Variants in TUBGCP3 observed in about 807,000 individuals in gnomAD.
The protein encoded by TUBGCP3 is tubulin gamma complex component 3, also known as gamma-tubulin complex component 3.
Under a neutral mutation model 123.1 loss-of-function variants are expected in TUBGCP3, and 50 were observed. The ratio of observed to expected loss-of-function variants is 0.41; its 90% CI spans 0.32 to 0.51. TUBGCP3 has a LOEUF of 0.51. Among genes scored for constraint, TUBGCP3 ranks in the 20% least tolerant of loss-of-function variants. The pLI is 0.36. For synonymous variants in TUBGCP3, 405 were observed against 413.9 expected (o/e 0.98, Z 0.26); for missense variants, 882 against 1,127.0 (o/e 0.78, Z 3.11).
intron 3 of TUBGCP3, among the ~76,000 whole-genome samples, chr13:112,562,113 C>CACCACCAGCCAGGACCCACTAGGGAAT (rs1880558973): frequency 6.7e-6 from 1 of 150,244 alleles, no homozygotes; most frequent in Non-Finnish European, 1.5e-5. Context: ...CACTAGGGAA[C>CACCACCAGCCAGGACCCACTAGGGAAT]ACCACCAGCC....
chr13:112,604,683 A>C, the TUBGCP3 span: 62 of 152,344 alleles, frequency 4.1e-4, no homozygotes, highest in African/African-American at 1.4e-3. Flanking sequence ...TGGAAACCAC[A>C]AAAAATACCC....
chr13:112,544,270 A>T (rs191590931), intron 11 of TUBGCP3, among the ~76,000 whole-genome samples: 2 of 151,884 alleles, frequency 1.3e-5, no homozygotes, highest in South Asian at 2.1e-4. Flanking sequence ...TGGCTAACAC[A>T]GTGAAACCCC....
chr13:112,520,413 C>T (rs1594136894), intron 14 of TUBGCP3, among the ~76,000 whole-genome samples: 1 of 152,154 alleles, frequency 6.6e-6, no homozygotes, highest in Admixed American at 6.5e-5. Flanking sequence ...CCTGTAATCC[C>T]AGCTACTTTG....
intron 11 of TUBGCP3, among the ~76,000 whole-genome samples, chr13:112,542,618 G>A (rs1878614121): frequency 6.6e-6 from 1 of 151,904 alleles, no homozygotes; most frequent in African/African-American, 2.4e-5. Flanking sequence ...CTCTATAGAT[G>A]GCATGTATAT....
At chr13:112,507,221 C>A (rs930227720) in intron 17 of TUBGCP3, among the ~76,000 whole-genome samples, 5 of 152,326 alleles carry the variant, frequency 3.3e-5, no homozygotes, top group African/African-American at 1.2e-4. Flanking sequence ...TGCCACGACT[C>A]GCGGGTCTCA....
intron 17 of TUBGCP3, among the ~76,000 whole-genome samples, chr13:112,509,714 C>T (rs146594948): frequency 7.2e-5 from 11 of 152,266 alleles, no homozygotes; most frequent in Admixed American, 3.3e-4. Flanking sequence ...GAAAAGAAAC[C>T]TCGTAAAACC....
chr13:112,568,862 G>C (rs1881186613), intron 2 of TUBGCP3, among the ~76,000 whole-genome samples: 1 of 152,196 alleles, frequency 6.6e-6, no homozygotes, highest in Non-Finnish European at 1.5e-5. Context: ...AGCCCTGCCA[G>C]GGATAATCAG....
intron 17 of TUBGCP3, among the ~76,000 whole-genome samples, chr13:112,509,832 C>A (rs1332586495): frequency 6.6e-6 from 1 of 152,212 alleles, no homozygotes; most frequent in Admixed American, 6.5e-5. Context: ...TCTAACTACT[C>A]TAAGGCTGTA....
intron 3 of TUBGCP3, among the ~76,000 whole-genome samples, chr13:112,561,658 G>A (rs577206850): frequency 6.6e-6 from 1 of 152,330 alleles, no homozygotes; most frequent in East Asian, 1.9e-4. Context: ...GGTGGAACAA[G>A]ACGCAACACT....
chr13:112,509,198 C>T lies in TUBGCP3; in HGVS notation c.2087-4484G>A, dbSNP rs1009716466. ...CTCTGGAGCCTTCTGGAATCACCCA[C>T]GTCTGTCAGATGCCTCATTTAAACA... On this transcript the variant is annotated intron_variant, in intron 17 of 21. Transcript: ENST00000261965. Among the ~76,000 whole-genome samples the T allele has an allele frequency of 6.6e-5, 10 of 152,214 alleles. No individual in the cohort carries two copies. The East Asian group carries it at 7.7e-4, about 12-fold the overall frequency.
chr13:112,545,504 A>G lies in TUBGCP3; in HGVS notation c.1335+195T>C, dbSNP rs1223296492. 1 of 568,166 alleles carries G rather than the reference A, an allele frequency of 1.8e-6. No individual in the cohort carries two copies. The highest frequency in any genetic ancestry group is 1.9e-5 in the African/African-American group (1 of 53,750). 35.2% of individuals were successfully genotyped at this position (568,166 alleles called of 1,614,324 possible). On this transcript the variant is annotated intron_variant, in intron 11 of 21. Coordinates refer to ENST00000261965, the MANE Select transcript of TUBGCP3 (RefSeq NM_006322.6). The surrounding 1 kb of genome is among the most constrained non-coding windows in gnomAD (Gnocchi z 4.1). The stretch of plus-strand genomic sequence containing the variant: ...GGGACAATTCTCCACTAACCAAAGA[A>G]CTCGTGAACTTATCTGCTGTTCAGT...
Position 112,519,753 on chromosome 13 carries a change from T to C in TUBGCP3, c.1881+133A>G, listed in dbSNP as rs1374783902. ...ACAAGCCACAGAGTGGAGTTCCTAC[T>C]CAGGCTGCCCAGTTTCCAGAAAGAT... is the stretch of plus-strand genomic sequence containing the variant. On this transcript the variant is annotated intron_variant, in intron 15 of 21. Transcript: ENST00000261965. The surrounding 1 kb of genome is among the most constrained non-coding windows in gnomAD (Gnocchi z 6.2). 8.2e-7 allele frequency: 1 copy of C among 1,222,692 alleles called. No homozygotes were observed. Among genetic ancestry groups the C allele is most frequent in the East Asian group, 2.7e-5 (1 of 37,194 alleles). 75.7% of individuals were successfully genotyped at this position (1,222,692 alleles called of 1,614,324 possible). A position where few individuals can be genotyped will look rare whatever the true frequency, so the allele number is the denominator to read the frequency against.
rs374079428 is a variant in TUBGCP3 at position 112,545,648 on chromosome 13, C to T, written c.1335+51G>A. The T allele has an allele frequency of 6.3e-6, 10 of 1,593,324 alleles. No individual in the cohort carries two copies. In the East Asian group the frequency reaches 6.8e-5, roughly 11 times the overall value. ...GGGGAAAAATGAAACAGCATAACTG[C>T]GTGCCCATGCTTTTTAAATCCAAGT... On this transcript the variant is annotated intron_variant, in intron 11 of 21. Coordinates refer to ENST00000261965, the MANE Select transcript of TUBGCP3 (RefSeq NM_006322.6). The surrounding 1 kb of genome is among the most constrained non-coding windows in gnomAD (Gnocchi z 4.1).
chr13:112,518,387 G>A (rs987316211), intron 16 of TUBGCP3, among the ~76,000 whole-genome samples: 2 of 152,204 alleles, frequency 1.3e-5, no homozygotes, highest in Non-Finnish European at 2.9e-5. Flanking sequence ...AATGACTGAA[G>A]TAAGTTTAGA....
At chr13:112,514,556 T>A (rs1875916752) in intron 17 of TUBGCP3, among the ~76,000 whole-genome samples, 1 of 152,210 alleles carries the variant, frequency 6.6e-6, no homozygotes, top group Non-Finnish European at 1.5e-5. Flanking sequence ...AAAGTTGAAA[T>A]GAACTTCCAT....
intron 20 of TUBGCP3, among the ~76,000 whole-genome samples, chr13:112,490,758 C>T (rs1037417803): frequency 2.0e-5 from 3 of 152,206 alleles, no homozygotes; most frequent in African/African-American, 7.2e-5. Context: ...CGTGATTCTT[C>T]TTACACAATT....
chr13:112,593,391 C>G, the TUBGCP3 span, among the ~76,000 whole-genome samples: 1 of 152,112 alleles, frequency 6.6e-6, no homozygotes, highest in Non-Finnish European at 1.5e-5. Context: ...GCTCTCCAGC[C>G]TGGGGGACAG....
intron 19 of TUBGCP3, among the ~76,000 whole-genome samples, chr13:112,502,542 C>CTT (rs10710530): frequency 0.067 from 7,625 of 114,276 alleles, 337 homozygotes; most frequent in African/African-American, 0.085. Context: ...TACATTTCTT[C>CTT]TTTTTTTTTT....
chr13:112,507,399 G>A (rs183788293), intron 17 of TUBGCP3, among the ~76,000 whole-genome samples: 19 of 152,344 alleles, frequency 1.2e-4, no homozygotes, highest in Admixed American at 1.0e-3. Context: ...CTCCTTCAGA[G>A]AAGGTTGAAG....
Sources: gnomAD v4.1 joint callset for allele counts (sites outside exome capture counted in the v4.1 genomes callset) on GRCh38, gnomAD v4.1.1 for gene constraint, Gnocchi (gnomAD v3.1) non-coding constraint, MANE v1.5 for transcripts, NCBI Gene and HGNC (gene_info 2026-07-23, HGNC 2026-07-21) for gene names.